Variants in FAM120AOS observed in about 807,000 individuals in gnomAD.
The protein encoded by FAM120AOS is uncharacterized protein FAM120AOS.
FAM120AOS carries 15 observed loss-of-function variants against 20.2 expected under a neutral mutation model. The observed-to-expected ratio is 0.74, with a 90% CI of 0.50 to 1.15. The LOEUF (loss-of-function observed/expected upper bound fraction) is 1.15, where lower values mean the gene tolerates loss of function less well. Among genes scored for constraint, FAM120AOS ranks in the 50% most tolerant of loss-of-function variants. The pLI, the probability that FAM120AOS is intolerant of heterozygous loss-of-function variation, is 0.00. For synonymous variants in FAM120AOS, 154 were observed against 154.0 expected, an observed-to-expected ratio of 1.00 and a Z score of 0.00; for missense variants, 327 against 351.9, an observed-to-expected ratio of 0.93 and a Z score of 0.57.
chr9:93,445,144 A>G lies in FAM120AOS; in HGVS notation c.*2467T>C, dbSNP rs537076188. ...GTCTTCTAAGGGCAGGGCATCTTCT[A>G]TCTTCTAGGACAGGGTACAGTAAGT... On this transcript the variant is annotated 3_prime_UTR_variant, in exon 3 of 3. Transcript: ENST00000375412. 7.2e-5 allele frequency among the ~76,000 whole-genome samples: 11 copies of G among 152,296 alleles called. No homozygotes were observed. Among genetic ancestry groups the G allele is most frequent in the South Asian group, 2.1e-4 (1 of 4,826 alleles).
intron 1 of FAM120AOS, chr9:93,451,150 C>T (rs768144383): frequency 1.3e-6 from 2 of 1,550,498 alleles, no homozygotes; most frequent in South Asian, 2.4e-5. Flanking sequence ...GCGCGGCCGG[C>T]CAGCATCCCG....
At chr9:93,451,482 G>T in intron 1 of FAM120AOS, 1 of 1,065,306 alleles carries the variant, frequency 9.4e-7, no homozygotes, top group African/African-American at 1.7e-5. Flanking sequence ...GCCTGCTCCG[G>T]CTCAGAAGCC....
chr9:93,450,485 C>T lies in FAM120AOS; in HGVS notation c.678G>A (p.Val226=), dbSNP rs771489242. The T allele has an allele frequency of 1.9e-6, 3 of 1,568,988 alleles. No homozygotes were observed. The highest frequency in any genetic ancestry group is 2.6e-6 in the Non-Finnish European group (3 of 1,160,376). The change falls in exon 2 of 3, where the codon GTG becomes GTA. Residue 226 remains valine, a synonymous_variant. Transcript: ENST00000375412. ...GLAKEAPILP[V]KKISRSCSVN... ...GCAGAAAAATCCAACTTGCCTTTTT[C>T]ACCGGGAGTATGGGGGCTTCTTTGG...
chr9:93,448,128 A>T (rs1465138472), intron 2 of FAM120AOS, among the ~76,000 whole-genome samples: 1 of 152,166 alleles, frequency 6.6e-6, no homozygotes, highest in Non-Finnish European at 1.5e-5. Context: ...GTCTCTTATT[A>T]CCTTGTTTGA....
intron 2 of FAM120AOS, among the ~76,000 whole-genome samples, chr9:93,448,684 C>T (rs1663727158): frequency 6.6e-6 from 1 of 152,092 alleles, no homozygotes; most frequent in Admixed American, 6.5e-5. Flanking sequence ...GTGGCGTGAT[C>T]TCGGCTCACT....
chr9:93,452,086 C>T lies in FAM120AOS; in HGVS notation c.563+61G>A. On this transcript the variant is annotated intron_variant, in intron 1 of 2. Coordinates refer to ENST00000375412, the MANE Select transcript of FAM120AOS (RefSeq NM_198841.4). This position sits in a 1 kb window ranked among gnomAD's most constrained non-coding sequence, Gnocchi z 7.0. ...ACGCCGACAACTGCCTGCACCGCCT[C>T]TACGGCGGCTTCTACACCGACTGGG... 1 of 1,607,656 alleles carries T rather than the reference C, an allele frequency of 6.2e-7. No individual in the cohort carries two copies. Among genetic ancestry groups the T allele is most frequent in the Non-Finnish European group, 8.5e-7 (1 of 1,178,138 alleles).
chr9:93,451,509 G>T, intron 1 of FAM120AOS: 1 of 1,009,586 alleles, frequency 9.9e-7, no homozygotes, highest in Non-Finnish European at 1.2e-6. Context: ...ATCCCGTCCC[G>T]GCCCAACTCC....
Position 93,445,068 on chromosome 9 carries a change from T to C in FAM120AOS, c.*2543A>G, listed in dbSNP as rs939095613. Among the ~76,000 whole-genome samples the C allele has an allele frequency of 6.6e-6, 1 of 152,184 alleles. No individual in the cohort carries two copies. The highest frequency in any genetic ancestry group is 1.5e-5 in the Non-Finnish European group (1 of 68,024). On this transcript the variant is annotated 3_prime_UTR_variant, in exon 3 of 3. Coordinates refer to ENST00000375412, the MANE Select transcript of FAM120AOS (RefSeq NM_198841.4). ...TTTGGGCTGACCATGAAGGGATCCA[T>C]TATCTGAAGAGTGGCTTAAGATTTA... is the stretch of plus-strand genomic sequence containing the variant.
At chr9:93,451,960 G>T (rs763546850) in intron 1 of FAM120AOS, 187 bp downstream of exon 1, 1 of 1,535,868 alleles carries the variant, frequency 6.5e-7, no homozygotes, top group Non-Finnish European at 8.7e-7. Context: ...AGCACTGCCC[G>T]AGCGCCGTGG....
In FAM120AOS at chr9:93,444,814, A is replaced by T. The variant is rs1344639557; in HGVS notation, c.*2797T>A. On this transcript the variant is annotated 3_prime_UTR_variant, in exon 3 of 3. Coordinates refer to ENST00000375412, the MANE Select transcript of FAM120AOS (RefSeq NM_198841.4). ...TTTTTAGTAGAGACAGGGTTTCTCC[A>T]TGTTTGTCAGGCTGGTCTTGAACTC... is the stretch of plus-strand genomic sequence containing the variant. Among the ~76,000 whole-genome samples the T allele has an allele frequency of 6.6e-6, 1 of 151,974 alleles. No homozygotes were observed. Among genetic ancestry groups the T allele is most frequent in the Non-Finnish European group, 1.5e-5 (1 of 68,002 alleles).
intron 2 of FAM120AOS, chr9:93,448,467 T>C (rs534567101): frequency 2.1e-4 from 47 of 221,786 alleles, no homozygotes; most frequent in African/African-American, 9.7e-4. Context: ...TACTCCAGCC[T>C]GGGCAACAGA....
In FAM120AOS at chr9:93,445,330, T is replaced by TC. The variant is rs917177928; in HGVS notation, c.*2280dup. ...TGTATAGTTTTGGTGAGATCGTCAATCCAGGAACCTGTTTCCCCATATTAA... is the reference window on the plus strand; with the variant it reads ...TGTATAGTTTTGGTGAGATCGTCAATCCCAGGAACCTGTTTCCCCATATTAA... On this transcript the variant is annotated 3_prime_UTR_variant, in exon 3 of 3. Transcript: ENST00000375412. 1.3e-5 allele frequency among the ~76,000 whole-genome samples: 2 copies of TC among 152,146 alleles called. No homozygotes were observed. The highest frequency in any genetic ancestry group is 4.8e-5 in the African/African-American group (2 of 41,406).
At chr9:93,451,330 C>G in intron 1 of FAM120AOS, 1 of 1,436,688 alleles carries the variant, frequency 7.0e-7, no homozygotes, top group Non-Finnish European at 9.1e-7. Context: ...TTCCCCAGGA[C>G]CTGCTTCGCG....
rs1377859059 is a variant in FAM120AOS at position 93,443,701 on chromosome 9, T to C, written c.*3910A>G. On this transcript the variant is annotated 3_prime_UTR_variant, in exon 3 of 3. Coordinates refer to ENST00000375412, the MANE Select transcript of FAM120AOS (RefSeq NM_198841.4). ...GTGGCTGTGTTGCCTGGGCTCTGTC[T>C]CTTGTATGTGCAGCTCTGGGCTGAG... 2.6e-5 allele frequency among the ~76,000 whole-genome samples: 4 copies of C among 152,224 alleles called. No individual in the cohort carries two copies. Among genetic ancestry groups the C allele is most frequent in the Non-Finnish European group, 5.9e-5 (4 of 68,034 alleles).
In FAM120AOS at chr9:93,444,329, C is replaced by T. The variant is rs1856781891; in HGVS notation, c.*3282G>A. ...TGCTGGGATGACAGGCGTGAGCCAC[C>T]GTGTCCAGCCTGACTAGGGTCATCT... On this transcript the variant is annotated 3_prime_UTR_variant, in exon 3 of 3. Coordinates refer to ENST00000375412, the MANE Select transcript of FAM120AOS (RefSeq NM_198841.4). Among the ~76,000 whole-genome samples the T allele has an allele frequency of 1.3e-5, 2 of 151,820 alleles. No individual in the cohort carries two copies. Among genetic ancestry groups the T allele is most frequent in the Admixed American group, 6.6e-5 (1 of 15,254 alleles).
chr9:93,453,339 C>G lies in FAM120AOS; in HGVS notation c.-630G>C, dbSNP rs1857374705. ...CTGGGCCAGAGGAGAACTTCAGGAC[C>G]CAGCAGTGACTGTGAAGATAAGCAC... On this transcript the variant is annotated 5_prime_UTR_variant, in exon 1 of 3. Coordinates refer to ENST00000375412, the MANE Select transcript of FAM120AOS (RefSeq NM_198841.4). 2 of 985,634 alleles carry G rather than the reference C, an allele frequency of 2.0e-6. No homozygotes were observed. Among genetic ancestry groups the G allele is most frequent in the African/African-American group, 3.5e-5 (2 of 57,212 alleles). 61.1% of individuals were successfully genotyped at this position (985,634 alleles called of 1,614,324 possible).
chr9:93,451,340 G>A (rs559990575), intron 1 of FAM120AOS: 2 of 1,432,294 alleles, frequency 1.4e-6, no homozygotes, highest in East Asian at 2.5e-5. Context: ...CCTGCTTCGC[G>A]GCTTCCCTTC....
chr9:93,447,559 C>T lies in FAM120AOS; in HGVS notation c.*52G>A, dbSNP rs1856895162. On this transcript the variant is annotated 3_prime_UTR_variant, in exon 3 of 3. Transcript: ENST00000375412. ...GCATTTTCCCTCACACGATGGGTAT[C>T]AGGGTGGTTTCTTGTCCTTTCAATG... The T allele has an allele frequency of 2.0e-6, 3 of 1,475,762 alleles. No individual in the cohort carries two copies. The highest frequency in any genetic ancestry group is 2.8e-6 in the Non-Finnish European group (3 of 1,056,276). The allele number at this position is 1,475,762 out of a possible 1,614,324, so 91.4% of individuals were successfully genotyped here. A position where few individuals can be genotyped will look rare whatever the true frequency, so the allele number is the denominator to read the frequency against.
In FAM120AOS at chr9:93,452,013, G is replaced by A; in HGVS notation, c.563+134C>T. 6.4e-7 allele frequency: 1 copy of A among 1,555,900 alleles called. No homozygotes were observed. Among genetic ancestry groups the A allele is most frequent in the African/African-American group, 1.4e-5 (1 of 73,644 alleles). On this transcript the variant is annotated intron_variant, in intron 1 of 2. Coordinates refer to ENST00000375412, the MANE Select transcript of FAM120AOS (RefSeq NM_198841.4). This position sits in a 1 kb window ranked among gnomAD's most constrained non-coding sequence, Gnocchi z 7.0. ...AAGCTGGCCCGGGGCAGCCTGGTGG[G>A]CGGCGGGCGGCAGCGGCCCCCGCAG... is the stretch of plus-strand genomic sequence containing the variant.
Sources: allele counts gnomAD v4.1 joint callset (sites outside exome capture counted in the v4.1 genomes callset), GRCh38; gene constraint gnomAD v4.1.1; non-coding constraint Gnocchi (gnomAD v3.1); transcripts MANE v1.5; gene names NCBI Gene and HGNC (gene_info 2026-07-23, HGNC 2026-07-21).